Variants in ZNF836 observed in about 807,000 individuals in gnomAD.
The protein encoded by ZNF836 is zinc finger protein 836.
Under a neutral mutation model 7.4 loss-of-function variants are expected in ZNF836, and 12 were observed. The observed-to-expected ratio is 1.61, with a 90% CI of 1.03 to 2.61. The LOEUF (loss-of-function observed/expected upper bound fraction) is 2.61. Ranked by LOEUF, ZNF836 falls within the 30% of genes most tolerant of loss-of-function variation. ZNF836 has a pLI of 0.00. For synonymous variants in ZNF836, 365 were observed against 382.6 expected (o/e 0.95, Z 0.54); for missense variants, 998 against 1,126.2 (o/e 0.89, Z 1.63).
intron 3 of ZNF836, among the ~76,000 whole-genome samples, chr19:52,165,634 C>G (rs2089256170): frequency 6.6e-6 from 1 of 151,822 alleles, no homozygotes; most frequent in South Asian, 2.1e-4. Context: ...AACCTGGGTT[C>G]CCCCAGGTTG....
At chr19:52,162,636 C>G (rs1241176217) in intron 3 of ZNF836, among the ~76,000 whole-genome samples, 1 of 152,174 alleles carries the variant, frequency 6.6e-6, no homozygotes, top group African/African-American at 2.4e-5. Context: ...TTTCAGCCCT[C>G]CAAATTTATT....
rs367839875 is a variant in ZNF836, at chr19:52,156,354, T to C, written c.1329A>G (p.Thr443=). 52 of 1,614,064 alleles carry C rather than the reference T, an allele frequency of 3.2e-5. No homozygotes were observed. Among genetic ancestry groups the C allele is most frequent in the African/African-American group, 4.0e-5 (3 of 74,926 alleles). ...QIIHTGEKPY[T]CDVCDKVFSQ... ...TGAAGACCTTGTCGCATACATCACA[T>C]GTATATGGTTTCTCTCCTGTATGGA... is the stretch of plus-strand genomic sequence containing the variant. Residue 443 remains threonine (T), a synonymous_variant, in exon 5 of 5, where the codon ACA becomes ACG. Transcript: ENST00000682614.
At chr19:52,168,006 C>G (rs777229539) in intron 3 of ZNF836, 52 bp downstream of exon 3, 1 of 1,390,582 alleles carries the variant, frequency 7.2e-7, no homozygotes, top group Non-Finnish European at 1.0e-6. Context: ...TCCAATGTGT[C>G]GCATTTCAAA....
In ZNF836 at chr19:52,155,557, A is replaced by G. The variant is rs750161080; in HGVS notation, c.2126T>C (p.Leu709Pro). 1 of 1,613,954 alleles carries G rather than the reference A, an allele frequency of 6.2e-7. No individual in the cohort carries two copies. Among genetic ancestry groups the G allele is most frequent in the East Asian group, 2.2e-5 (1 of 44,874 alleles). Residue 709 changes from leucine to proline, a missense_variant, in exon 5 of 5, where the codon CTT (leucine) becomes CCT (proline). Physicochemically the swap from Leu to Pro is moderately conservative, Grantham distance 98 (BLOSUM62 -3). Transcript: ENST00000682614. Reference protein sequence around the residue: ...FGGAFIQSSKLARYHRNPTGE... With the variant: ...FGGAFIQSSKPARYHRNPTGE... The stretch of plus-strand genomic sequence containing the variant: ...AGTAGGATTTCTGTGATATCTTGCA[A>G]GTTTTGAACTTTGGATAAATGCCCC...
chr19:52,170,527 T>TC, intron 1 of ZNF836: 1 of 152,330 alleles, frequency 6.6e-6, no homozygotes, highest in African/African-American at 2.4e-5. Context: ...TTTCACCTTC[T>TC]CCCCACTGTC....
chr19:52,169,718 A>C lies in ZNF836; in HGVS notation c.-151T>G, dbSNP rs565948630. The stretch of plus-strand genomic sequence containing the variant: ...TGAGGCAGAAAGACTGCTTGAGCCC[A>C]GGAGGTTGAGGCTGCAGTGAGCGGA... On this transcript the variant is annotated 5_prime_UTR_variant, in exon 2 of 5. Coordinates refer to ENST00000682614, the MANE Select transcript of ZNF836 (RefSeq NM_001102657.3). 1.3e-5 allele frequency: 2 copies of C among 151,952 alleles called. No individual in the cohort carries two copies. The highest frequency in any genetic ancestry group is 1.3e-4 in the Admixed American group (2 of 15,224). 9.4% of individuals were successfully genotyped at this position (151,952 alleles called of 1,614,324 possible).
rs1352023529 is a variant in ZNF836 at position 52,156,540 on chromosome 19, A to G, written c.1143T>C (p.Thr381=). 6.2e-7 allele frequency: 1 copy of G among 1,614,122 alleles called. No individual in the cohort carries two copies. The highest frequency in any genetic ancestry group is 8.5e-7 in the Non-Finnish European group (1 of 1,180,012). The change falls in exon 5 of 5, where the codon ACT becomes ACC. Residue 381 remains threonine (T), a synonymous_variant. Transcript: ENST00000682614. ...TGTTGCATTTGTATGGTTTCTCTCC[A>G]GTGTGGATTCTCTGGTGATTTACAA... ...SNLVNHQRIH[T]GEKPYKCNIC...
intron 3 of ZNF836, 135 bp from the exon 4 acceptor site, chr19:52,160,726 TTA>T: frequency 9.4e-7 from 1 of 1,069,104 alleles, no homozygotes; most frequent in African/African-American, 1.6e-5. Context: ...TGTGAGAAGG[TTA>T]TGTGTCCCTA....
Position 52,154,387 on chromosome 19 carries a change from G to A in ZNF836, c.*485C>T, listed in dbSNP as rs1049836405. ...TTAACCAACAAGATCTCAGCCAGGCGCAGTGGCTCACACCTATAATCCCAG... is the reference window on the plus strand; with the variant it reads ...TTAACCAACAAGATCTCAGCCAGGCACAGTGGCTCACACCTATAATCCCAG... On this transcript the variant is annotated 3_prime_UTR_variant, in exon 5 of 5. Coordinates refer to ENST00000682614, the MANE Select transcript of ZNF836 (RefSeq NM_001102657.3). Among the ~76,000 whole-genome samples the A allele has an allele frequency of 3.9e-5, 6 of 152,140 alleles. No individual in the cohort carries two copies. Among genetic ancestry groups the A allele is most frequent in the East Asian group, 1.9e-4 (1 of 5,172 alleles).
chr19:52,160,471 A>G lies in ZNF836; in HGVS notation c.136T>C (p.Phe46Leu). ...VMLENYRNLV[F>L]LGILPKCMTK... ...AGAGCAAAATTATCCTTACCCAGGA[A>G]GACCAGGTTCCTGTAGTTCTCCAAC... The change falls in exon 4 of 5, where the codon TTC (phenylalanine) becomes CTC (leucine). Residue 46 changes from phenylalanine (F) to leucine (L), a missense_variant. By Grantham distance (22) the Phe-to-Leu change is conservative (BLOSUM62 0). Coordinates refer to ENST00000682614, the MANE Select transcript of ZNF836 (RefSeq NM_001102657.3). 1 of 1,614,188 alleles carries G rather than the reference A, an allele frequency of 6.2e-7. No homozygotes were observed. Among genetic ancestry groups the G allele is most frequent in the Non-Finnish European group, 8.5e-7 (1 of 1,180,036 alleles).
intron 3 of ZNF836, among the ~76,000 whole-genome samples, chr19:52,167,251 C>T (rs889689385): frequency 6.6e-6 from 1 of 151,620 alleles, no homozygotes; most frequent in Non-Finnish European, 1.5e-5. Flanking sequence ...GCGGGAGGAT[C>T]ACCTGAGGTT....
At chr19:52,160,362 T>G (rs748408178) in intron 4 of ZNF836, 103 bp downstream of exon 4, 1 of 1,445,878 alleles carries the variant, frequency 6.9e-7, no homozygotes. Context: ...CAACAAGGCT[T>G]CAGTCTCAGT....
intron 1 of ZNF836, among the ~76,000 whole-genome samples, chr19:52,170,931 A>AG (rs3214552): frequency 0.23 from 35,583 of 152,128 alleles, 4,323 homozygotes; most frequent in Non-Finnish European, 0.26. Flanking sequence ...ACCTCCCCCA[A>AG]GGGGGGGATC....
chr19:52,168,209 T>C, intron 2 of ZNF836, 57 bp from the exon 3 acceptor site: 1 of 1,157,626 alleles, frequency 8.6e-7, no homozygotes, highest in Admixed American at 2.1e-5. Context: ...CTTTCTGCGC[T>C]ACAACCATGC....
At chr19:52,169,078 A>G (rs1038934852) in intron 2 of ZNF836, among the ~76,000 whole-genome samples, 1 of 152,330 alleles carries the variant, frequency 6.6e-6, no homozygotes, top group Admixed American at 6.5e-5. Context: ...AACAGTTTGG[A>G]AAGTTTTTGA....
In ZNF836 at chr19:52,156,645, A is replaced by T; in HGVS notation, c.1038T>A (p.Thr346=). 1 of 1,613,466 alleles carries T rather than the reference A, an allele frequency of 6.2e-7. No individual in the cohort carries two copies. Among genetic ancestry groups the T allele is most frequent in the Non-Finnish European group, 8.5e-7 (1 of 1,179,560 alleles). The change falls in exon 5 of 5, where the codon ACT becomes ACA. Residue 346 remains threonine (T), a synonymous_variant. Coordinates refer to ENST00000682614, the MANE Select transcript of ZNF836 (RefSeq NM_001102657.3). ...GKTFKQGSCL[T]THQIIHTGEK... Reference sequence around the variant, plus strand: ...CTCCTGTATGGATTATCTGATGTGTAGTGAGGCATGAGCCTTGTTTGAAGG... The same window carrying T: ...CTCCTGTATGGATTATCTGATGTGTTGTGAGGCATGAGCCTTGTTTGAAGG...
rs1422045222 is a variant in ZNF836 at position 52,160,567 on chromosome 19, C to T, written c.40G>A (p.Ala14Thr). 1.2e-6 allele frequency: 2 copies of T among 1,612,230 alleles called. No individual in the cohort carries two copies. Among genetic ancestry groups the T allele is most frequent in the Non-Finnish European group, 1.7e-6 (2 of 1,179,570 alleles). Residue 14 changes from alanine to threonine, a missense_variant, in exon 4 of 5, where the codon GCC (alanine) becomes ACC (threonine). Physicochemically the swap from Ala to Thr is moderately conservative, Grantham distance 58. Transcript: ENST00000682614. ...CACTCCTCCTGAGAGAATTCTATGGCTACATCCCTGAATGTCAAAGGTCCC... is the reference window on the plus strand; with the variant it reads ...CACTCCTCCTGAGAGAATTCTATGGTTACATCCCTGAATGTCAAAGGTCCC... ...TQGPLTFRDV[A>T]IEFSQEEWKS...
chr19:52,154,692 A>T lies in ZNF836; in HGVS notation c.*180T>A. The T allele has an allele frequency of 1.9e-6, 1 of 520,802 alleles. No individual in the cohort carries two copies. The highest frequency in any genetic ancestry group is 3.2e-6 in the Non-Finnish European group (1 of 310,276). 32.3% of individuals were successfully genotyped at this position (520,802 alleles called of 1,614,324 possible). Reference sequence around the variant, plus strand: ...AAAACAAACAAAAAAACAAGATCTCACCAGAACTCACTATCCCAAGAAGAG... The same window carrying T: ...AAAACAAACAAAAAAACAAGATCTCTCCAGAACTCACTATCCCAAGAAGAG... On this transcript the variant is annotated 3_prime_UTR_variant, in exon 5 of 5. Transcript: ENST00000682614.
At position 52,154,883 on chromosome 19, in the gene ZNF836, C is replaced by G. The variant is rs553732094; in HGVS notation, c.2800G>C (p.Gly934Arg). Residue 934 changes from glycine (G) to arginine (R), a missense_variant, in exon 5 of 5, where the codon GGG (glycine) becomes CGG (arginine). Gly to Arg is a moderately radical substitution (Grantham distance 125). Transcript: ENST00000682614. Reference protein sequence around the residue: ...EKPLDVLLTSGFK With the variant: ...EKPLDVLLTSRFK ...TCAATAAGTATGAATTATTTGAACC[C>G]AGAAGTTAGGAGAACATCTAAAGGC... 5 of 1,517,820 alleles carry G rather than the reference C, an allele frequency of 3.3e-6. No homozygotes were observed. In the South Asian group the frequency reaches 6.8e-5, roughly 21 times the overall value. The allele number at this position is 1,517,820 out of a possible 1,614,324, so 94.0% of individuals were successfully genotyped here.
Sources: allele counts gnomAD v4.1 joint callset (sites outside exome capture counted in the v4.1 genomes callset), GRCh38; gene constraint gnomAD v4.1.1; transcripts MANE v1.5; gene names NCBI Gene and HGNC (gene_info 2026-07-23, HGNC 2026-07-21).